Variants in ATG16L1 observed in about 807,000 individuals in gnomAD.
The protein encoded by ATG16L1 is autophagy related 16 like 1.
A neutral mutation model predicts 88.5 loss-of-function variants in ATG16L1; 37 were observed. The ratio of observed to expected loss-of-function variants is 0.42; its 90% CI spans 0.32 to 0.55. ATG16L1 has a LOEUF of 0.55. ATG16L1 is among the 20% of genes least tolerant of loss of function. The pLI is 0.13. For missense variants in ATG16L1, 554 were observed against 752.8 expected (o/e 0.74, Z 3.09); for synonymous variants, 301 against 281.0 (o/e 1.07, Z -0.71).
At chr2:233,262,088 A>G (rs927024824) in intron 2 of ATG16L1, among the ~76,000 whole-genome samples, 4 of 152,168 alleles carry the variant, frequency 2.6e-5, no homozygotes, top group African/African-American at 9.7e-5. Context: ...TGCCCATTTC[A>G]GTGGGTGACA....
At chr2:233,278,251 A>G (rs1266644007) in intron 10 of ATG16L1, among the ~76,000 whole-genome samples, 3 of 152,244 alleles carry the variant, frequency 2.0e-5, no homozygotes, top group Non-Finnish European at 2.9e-5. Flanking sequence ...ATGGCATTAA[A>G]ACAGAAAATG....
In ATG16L1 at chr2:233,274,729, C is replaced by G. The variant is rs778720985; in HGVS notation, c.905C>G (p.Pro302Arg). Reference protein sequence around the residue: ...PVPQDNVDTHPGSGKEVRVPA... With the variant: ...PVPQDNVDTHRGSGKEVRVPA... ...CCCCAGGACAATGTGGATACTCATC[C>G]TGGTTCTGGTAAAGAAGTGAGGGTA... The change falls in exon 9 of 18, where the codon CCT (proline) becomes CGT (arginine). Residue 302 changes from proline (P) to arginine (R), a missense_variant. Physicochemically the swap from Pro to Arg is moderately radical, Grantham distance 103. Transcript: ENST00000392017. 3 of 1,612,892 alleles carry G rather than the reference C, an allele frequency of 1.9e-6. No homozygotes were observed. The highest frequency in any genetic ancestry group is 1.7e-6 in the Non-Finnish European group (2 of 1,178,986).
intron 16 of ATG16L1, among the ~76,000 whole-genome samples, 187 bp from the exon 17 acceptor site, chr2:233,293,069 G>A (rs529407229): frequency 2.6e-5 from 4 of 152,180 alleles, no homozygotes; most frequent in African/African-American, 4.8e-5. Flanking sequence ...TTAGCCGGAC[G>A]GGGCTGAAAT....
intron 16 of ATG16L1, among the ~76,000 whole-genome samples, 158 bp downstream of exon 16, chr2:233,292,592 CTCT>C (rs1374792432): frequency 6.6e-6 from 1 of 152,254 alleles, no homozygotes; most frequent in Non-Finnish European, 1.5e-5. Flanking sequence ...CCATTATTGT[CTCT>C]TCCTTTCCAG....
Position 233,295,563 on chromosome 2 carries a change from G to A in ATG16L1, c.*1213G>A, listed in dbSNP as rs1699744098. The A allele has an allele frequency of 6.5e-6, 1 of 152,684 alleles. No individual in the cohort carries two copies. Among genetic ancestry groups the A allele is most frequent in the Non-Finnish European group, 1.5e-5 (1 of 68,032 alleles). 9.5% of individuals were successfully genotyped at this position (152,684 alleles called of 1,614,324 possible). A position where few individuals can be genotyped will look rare whatever the true frequency, so the allele number is the denominator to read the frequency against. Reference sequence around the variant, plus strand: ...CCCTTCAGAGAACTTAAGTCAAGGAGAGTTGAAATTCACAGGCCAGGGCAC... The same window carrying A: ...CCCTTCAGAGAACTTAAGTCAAGGAAAGTTGAAATTCACAGGCCAGGGCAC... On this transcript the variant is annotated 3_prime_UTR_variant, in exon 18 of 18. Transcript: ENST00000392017.
At chr2:233,261,732 GT>G (rs1465957543) in intron 2 of ATG16L1, among the ~76,000 whole-genome samples, 1 of 152,148 alleles carries the variant, frequency 6.6e-6, no homozygotes, top group African/African-American at 2.4e-5. Context: ...CTAGACAGTG[GT>G]TTCAGCTGCT....
At chr2:233,266,509 C>G (rs768287218) in intron 5 of ATG16L1, among the ~76,000 whole-genome samples, 37 of 152,192 alleles carry the variant, frequency 2.4e-4, no homozygotes, top group Admixed American at 1.3e-4. Context: ...TTTTAAATCC[C>G]CATATCAGTA....
chr2:233,252,041 C>A, intron 1 of ATG16L1, 99 bp downstream of exon 1: 1 of 1,068,196 alleles, frequency 9.4e-7, no homozygotes. Context: ...TGGCGCCGCC[C>A]GCACGCATGG....
At chr2:233,292,516 T>TA (rs945131276) in intron 16 of ATG16L1, 82 bp downstream of exon 16, 2 of 1,571,096 alleles carry the variant, frequency 1.3e-6, no homozygotes, top group Admixed American at 3.4e-5. Flanking sequence ...GATATAGAGC[T>TA]AAATTTTGTT....
At chr2:233,261,511 G>A (rs140204737) in intron 2 of ATG16L1, among the ~76,000 whole-genome samples, 47 of 152,296 alleles carry the variant, frequency 3.1e-4, no homozygotes, top group African/African-American at 1.1e-3. Flanking sequence ...GGAAGTGCCA[G>A]GTTGCCTCAA....
At chr2:233,274,002 CT>C (rs1461385729) in intron 8 of ATG16L1, 1 of 1,551,158 alleles carries the variant, frequency 6.4e-7, no homozygotes, top group Admixed American at 2.0e-5. Flanking sequence ...CTGTCCGAGT[CT>C]CCCCTTTTGG....
chr2:233,264,368 G>T (rs577846848), intron 4 of ATG16L1, among the ~76,000 whole-genome samples: 1 of 152,238 alleles, frequency 6.6e-6, no homozygotes, highest in Non-Finnish European at 1.5e-5. Flanking sequence ...TGTTCCTGTG[G>T]TGGAGGTGGT....
At chr2:233,280,891 T>C (rs1226659879) in intron 10 of ATG16L1, among the ~76,000 whole-genome samples, 1 of 152,224 alleles carries the variant, frequency 6.6e-6, no homozygotes, top group Non-Finnish European at 1.5e-5. Flanking sequence ...CTGGGGTCAG[T>C]GTCCACTTAG....
intron 9 of ATG16L1, 58 bp from the exon 10 acceptor site, chr2:233,277,510 C>T (rs1056244239): frequency 3.5e-5 from 53 of 1,500,322 alleles, no homozygotes; most frequent in Middle Eastern, 3.4e-4. Context: ...AGTGTTCGCG[C>T]ATCTTGAGCT....
At chr2:233,256,574 C>G (rs1364184992) in intron 2 of ATG16L1, among the ~76,000 whole-genome samples, 1 of 138,522 alleles carries the variant, frequency 7.2e-6, no homozygotes, top group East Asian at 2.2e-4. Flanking sequence ...TTGATTGGCA[C>G]ATACGTAAAA....
chr2:233,271,400 TC>T (rs1697977571), intron 6 of ATG16L1, among the ~76,000 whole-genome samples: 1 of 152,248 alleles, frequency 6.6e-6, no homozygotes, highest in African/African-American at 2.4e-5. Flanking sequence ...TGCCTCAGCC[TC>T]CCAAGTAGCT....
intron 13 of ATG16L1, 81 bp from the exon 14 acceptor site, chr2:233,290,167 C>A: frequency 2.0e-6 from 3 of 1,522,010 alleles, no homozygotes; most frequent in South Asian, 2.3e-5. Context: ...TCTGACAAGT[C>A]AGTGGTTAGA....
chr2:233,266,491 A>G (rs1003663073), intron 5 of ATG16L1, among the ~76,000 whole-genome samples: 5 of 152,234 alleles, frequency 3.3e-5, no homozygotes, highest in African/African-American at 1.2e-4. Flanking sequence ...AGATTAGAAC[A>G]TACATATTTT....
At chr2:233,252,634 C>T (rs1399025806) in intron 1 of ATG16L1, among the ~76,000 whole-genome samples, 1 of 151,998 alleles carries the variant, frequency 6.6e-6, no homozygotes, top group Non-Finnish European at 1.5e-5. Flanking sequence ...ACGATCTTCC[C>T]ACCTCGGCCT....
Sources: gnomAD v4.1 joint callset for allele counts (sites outside exome capture counted in the v4.1 genomes callset) on GRCh38, gnomAD v4.1.1 for gene constraint, MANE v1.5 for transcripts, NCBI Gene and HGNC (gene_info 2026-07-23, HGNC 2026-07-21) for gene names.